Variants in IRAG2 observed in about 807,000 individuals in gnomAD.
The protein encoded by IRAG2 is lymphoid restricted membrane protein.
A neutral mutation model predicts 69.9 loss-of-function variants in IRAG2; 45 were observed. That is an observed-to-expected ratio of 0.64 (90% confidence interval 0.51 to 0.83). The LOEUF is 0.83. IRAG2 is among the 40% of genes least tolerant of loss of function. IRAG2 has a pLI of 0.00. For missense variants in IRAG2, 520 were observed against 587.0 expected (o/e 0.89, Z 1.18); for synonymous variants, 193 against 202.4 (o/e 0.95, Z 0.40).
At chr12:25,066,665 CTTT>C (rs781555051) in intron 5 of IRAG2, among the ~76,000 whole-genome samples, 153 bp downstream of exon 5, 7 of 142,044 alleles carry the variant, frequency 4.9e-5, no homozygotes, top group African/African-American at 5.1e-5. Context: ...TTCTTTCTTT[CTTT>C]TTTTTTTTTT....
chr12:25,095,157 A>C (rs1948338375), intron 14 of IRAG2, among the ~76,000 whole-genome samples: 3 of 152,182 alleles, frequency 2.0e-5, no homozygotes, highest in Admixed American at 1.3e-4. Flanking sequence ...TCCTGACCTT[A>C]AAGGAATAAG....
intron 5 of IRAG2, among the ~76,000 whole-genome samples, chr12:25,068,845 A>G (rs1238412589): frequency 6.6e-6 from 1 of 152,212 alleles, no homozygotes; most frequent in African/African-American, 2.4e-5. Flanking sequence ...AACTGGGGGC[A>G]TTGATCACAA....
intron 7 of IRAG2, among the ~76,000 whole-genome samples, chr12:25,021,279 A>G (rs1212357031): frequency 2.0e-5 from 3 of 150,948 alleles, no homozygotes; most frequent in Non-Finnish European, 4.4e-5. Flanking sequence ...CTCCTTTTCA[A>G]TCAAGATTTA....
intron 20 of IRAG2, among the ~76,000 whole-genome samples, chr12:25,106,487 T>A (rs1273558557): frequency 1.9e-5 from 2 of 106,630 alleles, no homozygotes; most frequent in Non-Finnish European, 4.1e-5. Context: ...GTATATATAG[T>A]ATATATTTAT....
upstream of IRAG2, among the ~76,000 whole-genome samples, chr12:25,047,323 C>T (rs573717956): frequency 1.0e-3 from 158 of 152,232 alleles, 2 homozygotes; most frequent in South Asian, 8.5e-3. Context: ...GCATGTTGGA[C>T]TGCATCAGTC....
At chr12:25,040,236 C>G (rs1591934940) in intron 16 of IRAG2, among the ~76,000 whole-genome samples, 2 of 152,190 alleles carry the variant, frequency 1.3e-5, no homozygotes, top group African/African-American at 4.8e-5. Flanking sequence ...TAGCTGGGTG[C>G]CCCGGCTCAT....
intron 13 of IRAG2, among the ~76,000 whole-genome samples, chr12:25,034,287 T>A (rs1944689543): frequency 1.3e-5 from 2 of 152,222 alleles, no homozygotes; most frequent in South Asian, 4.1e-4. Flanking sequence ...GAGTTATTTT[T>A]TAGAATTTTC....
intron 2 of IRAG2, among the ~76,000 whole-genome samples, chr12:25,010,369 A>G (rs1250652742): frequency 6.6e-6 from 1 of 151,976 alleles, no homozygotes; most frequent in South Asian, 2.1e-4. Flanking sequence ...CCCAGCTACT[A>G]GGGAGGCTGA....
In IRAG2 at chr12:25,104,009, G is replaced by A. The variant is rs1192668618; in HGVS notation, c.997G>A (p.Val333Met). The change falls in exon 19 of 22, where the codon GTG becomes ATG. Residue 333 changes from valine (V) to methionine (M), a missense_variant and splice_region_variant. By Grantham distance (21) the Val-to-Met change is conservative (BLOSUM62 1). Transcript: ENST00000556887. Reference sequence around the variant, plus strand: ...TTTAACATTTGAACTTCTACTAAAGGTGGCTGGGATGGAAAATAATGATCG... The same window carrying A: ...TTTAACATTTGAACTTCTACTAAAGATGGCTGGGATGGAAAATAATGATCG... ...LPRNIGNAGM[V>M]AGMENNDRFS... 2 of 1,613,198 alleles carry A rather than the reference G, an allele frequency of 1.2e-6. No individual in the cohort carries two copies. Among genetic ancestry groups the A allele is most frequent in the South Asian group, 1.1e-5 (1 of 91,036 alleles).
intron 6 of IRAG2, among the ~76,000 whole-genome samples, chr12:25,070,196 C>T (rs891449804): frequency 6.6e-6 from 1 of 152,176 alleles, no homozygotes; most frequent in African/African-American, 2.4e-5. Flanking sequence ...GTACAACCAT[C>T]ACCACAATCG....
At chr12:25,075,740 A>G (rs188221427) in intron 6 of IRAG2, 3 of 152,300 alleles carry the variant, frequency 2.0e-5, no homozygotes, top group African/African-American at 7.2e-5. Context: ...CAGAAAGAGC[A>G]TTCTCCCTGC....
At chr12:25,105,692 T>TTTTG (rs1415362175) in intron 20 of IRAG2, among the ~76,000 whole-genome samples, 2 of 152,196 alleles carry the variant, frequency 1.3e-5, no homozygotes, top group African/African-American at 4.8e-5. Flanking sequence ...AGTTTTTGCT[T>TTTTG]TTTGTTAGTA....
Position 25,104,009 on chromosome 12 carries a change from G to T in IRAG2, c.997G>T (p.Val333Leu), listed in dbSNP as rs1192668618. 1 of 1,613,080 alleles carries T rather than the reference G, an allele frequency of 6.2e-7. No homozygotes were observed. The highest frequency in any genetic ancestry group is 8.5e-7 in the Non-Finnish European group (1 of 1,179,470). The change falls in exon 19 of 22, where the codon GTG (valine) becomes TTG (leucine). Residue 333 changes from valine to leucine, a missense_variant and splice_region_variant. Val to Leu is a conservative substitution (Grantham distance 32). Transcript: ENST00000556887. ...LPRNIGNAGMVAGMENNDRFS... is the reference protein window; with the variant it reads ...LPRNIGNAGMLAGMENNDRFS... The stretch of plus-strand genomic sequence containing the variant: ...TTTAACATTTGAACTTCTACTAAAG[G>T]TGGCTGGGATGGAAAATAATGATCG...
chr12:25,041,679 T>TTG (rs1944750582), intron 16 of IRAG2, among the ~76,000 whole-genome samples: 2 of 150,256 alleles, frequency 1.3e-5, no homozygotes, highest in African/African-American at 4.9e-5. Flanking sequence ...TTTGTTTTTT[T>TTG]TTTTTTCAGT....
intron 8 of IRAG2, among the ~76,000 whole-genome samples, chr12:25,024,698 A>G (rs1944608447): frequency 3.3e-5 from 5 of 152,246 alleles, no homozygotes. Context: ...TTAAAATTTC[A>G]TAGTGGATTG....
intron 11 of IRAG2, among the ~76,000 whole-genome samples, chr12:25,088,744 A>G (rs1947821210): frequency 6.6e-6 from 1 of 152,198 alleles, no homozygotes; most frequent in African/African-American, 2.4e-5. Flanking sequence ...TAGTCCTCCA[A>G]ATACTATGTG....
chr12:25,084,412 G>C (rs1947434107), intron 10 of IRAG2, among the ~76,000 whole-genome samples: 1 of 151,982 alleles, frequency 6.6e-6, no homozygotes, highest in African/African-American at 2.4e-5. Flanking sequence ...AAGAGAGAGA[G>C]AGAGAAGACT....
chr12:25,069,576 T>G lies in IRAG2; in HGVS notation c.24+145T>G, dbSNP rs1004399429. The G allele has an allele frequency of 2.3e-5, 16 of 685,486 alleles. No individual in the cohort carries two copies. In the Admixed American group the frequency reaches 2.8e-4, roughly 12 times the overall value. 42.5% of individuals were successfully genotyped at this position (685,486 alleles called of 1,614,324 possible). On this transcript the variant is annotated intron_variant, in intron 6 of 21. Transcript: ENST00000556887. ...AAGTCTGAGTCTGCTATTCCAAAAC[T>G]CAGATGCATGAGAAATAGCAACCTT...
rs373544315 is a variant in IRAG2 at position 25,096,001 on chromosome 12, CAT to C, written c.607-906_607-905del. On this transcript the variant is annotated intron_variant, in intron 14 of 21. Coordinates refer to ENST00000556887, the MANE Select transcript of IRAG2 (RefSeq NM_001366544.2). Reference sequence around the variant, plus strand: ...AGCAACTCTCTAACTACAACTTACACATATCTGTCTGTTTCAAAAGTGGTTAT... The same window carrying C: ...AGCAACTCTCTAACTACAACTTACACATCTGTCTGTTTCAAAAGTGGTTAT... 5.1e-4 allele frequency among the ~76,000 whole-genome samples: 77 copies of C among 152,354 alleles called. 2 individuals are homozygous for C. The East Asian group carries it at 0.015, about 29-fold the overall frequency.
Sources: allele counts gnomAD v4.1 joint callset (sites outside exome capture counted in the v4.1 genomes callset), GRCh38; gene constraint gnomAD v4.1.1; transcripts MANE v1.5; gene names NCBI Gene and HGNC (gene_info 2026-07-23, HGNC 2026-07-21).